Variants in MUCL3 observed in about 807,000 individuals in gnomAD.
MUCL3 encodes the protein mucin like 3.
Under a neutral mutation model 70.2 loss-of-function variants are expected in MUCL3, and 42 were observed. That is an observed-to-expected ratio of 0.60 (90% CI 0.47 to 0.77). MUCL3 has a LOEUF of 0.77. MUCL3 is among the 30% of genes least tolerant of loss of function. The probability of loss-of-function intolerance (pLI) is 0.00; values close to 1 mark genes in which losing one functional copy is unlikely to be tolerated. For missense variants in MUCL3, 1,429 were observed against 1,670.0 expected, an observed-to-expected ratio of 0.86 and a Z score of 2.52; for synonymous variants, 522 against 647.0, an observed-to-expected ratio of 0.81 and a Z score of 2.93.
rs1331390205 is a variant in MUCL3 at position 30,952,087 on chromosome 6, C to G, written c.3623C>G (p.Pro1208Arg). The change falls in exon 2 of 3, where the codon CCT (proline) becomes CGT (arginine). Residue 1208 changes from proline to arginine, a missense_variant. Physicochemically the swap from Pro to Arg is moderately radical, Grantham distance 103. Coordinates refer to ENST00000462446, the MANE Select transcript of MUCL3 (RefSeq NM_080870.4). ...KGKNTPVPEKPTENLGNTTLT... is the reference protein window; with the variant it reads ...KGKNTPVPEKRTENLGNTTLT... ...AAAAACACACCAGTCCCAGAAAAGCCTACAGAAAACCTGGGGAACACCACA... is the reference window on the plus strand; with the variant it reads ...AAAAACACACCAGTCCCAGAAAAGCGTACAGAAAACCTGGGGAACACCACA... The G allele has an allele frequency of 6.2e-7, 1 of 1,608,002 alleles. No homozygotes were observed. The highest frequency in any genetic ancestry group is 2.2e-5 in the East Asian group (1 of 44,836).
rs371020510 is a variant in MUCL3, at chr6:30,952,128, A to G, written c.3664A>G (p.Ile1222Val). Residue 1222 changes from isoleucine (I) to valine (V), a missense_variant, in exon 2 of 3, where the codon ATA becomes GTA. Physicochemically the swap from Ile to Val is conservative, Grantham distance 29. Coordinates refer to ENST00000462446, the MANE Select transcript of MUCL3 (RefSeq NM_080870.4). ...LGNTTLTTET[I>V]KAPVKSTENP... is the part of the protein sequence containing the mutation. Reference sequence around the variant, plus strand: ...GAACACCACACTGACCACTGAGACCATAAAAGCCCCAGTAAAGTCCACAGA... The same window carrying G: ...GAACACCACACTGACCACTGAGACCGTAAAAGCCCCAGTAAAGTCCACAGA... The G allele has an allele frequency of 4.3e-6, 7 of 1,612,932 alleles. No homozygotes were observed. The highest frequency in any genetic ancestry group is 5.9e-6 in the Non-Finnish European group (7 of 1,179,772).
chr6:30,944,206 C>T (rs775430985), intron 1 of MUCL3, among the ~76,000 whole-genome samples: 2 of 151,632 alleles, frequency 1.3e-5, no homozygotes, highest in Admixed American at 6.6e-5. Flanking sequence ...CTTCCCTTTC[C>T]TTTCCTTTCC....
At chr6:30,941,457 C>CTTT (rs9278811) in intron 1 of MUCL3, among the ~76,000 whole-genome samples, 140 of 105,204 alleles carry the variant, frequency 1.3e-3, no homozygotes, top group Non-Finnish European at 2.2e-3. Flanking sequence ...TCTTCTTCTT[C>CTTT]TTTTTTTTTT....
Position 30,952,086 on chromosome 6 carries a change from C to T in MUCL3, c.3622C>T (p.Pro1208Ser). The change falls in exon 2 of 3, where the codon CCT (proline) becomes TCT (serine). Residue 1208 changes from proline to serine, a missense_variant. Pro to Ser is a moderately conservative substitution (Grantham distance 74, BLOSUM62 -1). Coordinates refer to ENST00000462446, the MANE Select transcript of MUCL3 (RefSeq NM_080870.4). ...KGKNTPVPEK[P>S]TENLGNTTLT... ...GAAAAACACACCAGTCCCAGAAAAG[C>T]CTACAGAAAACCTGGGGAACACCAC... The T allele has an allele frequency of 6.2e-7, 1 of 1,607,904 alleles. No individual in the cohort carries two copies. Among genetic ancestry groups the T allele is most frequent in the Non-Finnish European group, 8.5e-7 (1 of 1,178,606 alleles).
chr6:30,947,607 A>C (rs931965518), intron 1 of MUCL3, among the ~76,000 whole-genome samples: 2 of 150,382 alleles, frequency 1.3e-5, no homozygotes, highest in African/African-American at 2.5e-5. Flanking sequence ...GTATCTGTCC[A>C]CTGATAGGGG....
intron 1 of MUCL3, among the ~76,000 whole-genome samples, chr6:30,946,555 C>T (rs562949852): frequency 6.6e-6 from 1 of 152,332 alleles, no homozygotes; most frequent in African/African-American, 2.4e-5. Context: ...AATTACTTAA[C>T]CTCTTTGCGT....
In MUCL3 at chr6:30,951,673, C is replaced by T. The variant is rs200921088; in HGVS notation, c.3209C>T (p.Thr1070Ile). Residue 1070 changes from threonine to isoleucine, a missense_variant, in exon 2 of 3, where the codon ACA becomes ATA. Coordinates refer to ENST00000462446, the MANE Select transcript of MUCL3 (RefSeq NM_080870.4). Reference sequence around the variant, plus strand: ...CCTACAGAACATGGAGAAAAGACTACATTGGCCAATGAGAAGATCACACTA... The same window carrying T: ...CCTACAGAACATGGAGAAAAGACTATATTGGCCAATGAGAAGATCACACTA... ...VKPTEHGEKT[T>I]LANEKITLSP... The T allele has an allele frequency of 1.9e-6, 3 of 1,552,256 alleles. No homozygotes were observed. Among genetic ancestry groups the T allele is most frequent in the Non-Finnish European group, 1.7e-6 (2 of 1,147,114 alleles).
intron 1 of MUCL3, among the ~76,000 whole-genome samples, chr6:30,945,227 A>T (rs970897298): frequency 6.6e-6 from 1 of 152,214 alleles, no homozygotes; most frequent in Admixed American, 6.5e-5. Flanking sequence ...AGGAGTTTTC[A>T]TCAGTCTTAT....
intron 1 of MUCL3, 89 bp downstream of exon 1, chr6:30,941,170 G>T: frequency 6.9e-7 from 1 of 1,445,966 alleles, no homozygotes. Flanking sequence ...TGAATGAAGG[G>T]GGCGGGCACG....
At position 30,951,834 on chromosome 6, in the gene MUCL3, G is replaced by A. The variant is rs1760722085; in HGVS notation, c.3370G>A (p.Glu1124Lys). The change falls in exon 2 of 3, where the codon GAG (glutamate) becomes AAG (lysine). Residue 1124 changes from glutamate (E) to lysine (K), a missense_variant. Transcript: ENST00000462446. ...PNDKITSSAA[E>K]STEHRDRATS... ...TGACAAGATCACCTCATCTGCAGCA[G>A]AGTCTACAGAACATAGAGATAGGGC... 6.3e-7 allele frequency: 1 copy of A among 1,588,342 alleles called. No individual in the cohort carries two copies. The highest frequency in any genetic ancestry group is 1.8e-5 in the Admixed American group (1 of 54,474).
At position 30,952,978 on chromosome 6, in the gene MUCL3, A is replaced by C. The variant is rs77087190; in HGVS notation, c.4043A>C (p.Tyr1348Ser). 2.2e-3 allele frequency: 3,540 copies of C among 1,614,212 alleles called. 5 individuals carry two copies. Among genetic ancestry groups the C allele is most frequent in the Non-Finnish European group, 2.8e-3 (3,335 of 1,180,022 alleles). Reference sequence around the variant, plus strand: ...TTCTCATCCCAATCACAGGTCTCCTATATGATGCGGACACGCCGCACACTA... The same window carrying C: ...TTCTCATCCCAATCACAGGTCTCCTCTATGATGCGGACACGCCGCACACTA... ...VFLGLIFLVS[Y>S]MMRTRRTLTQ... The change falls in exon 3 of 3, where the codon TAT becomes TCT. Residue 1348 changes from tyrosine to serine, a missense_variant. Physicochemically the swap from Tyr to Ser is moderately radical, Grantham distance 144. Transcript: ENST00000462446.
chr6:30,941,457 CTTTT>C (rs9278811), intron 1 of MUCL3, among the ~76,000 whole-genome samples: 4 of 105,244 alleles, frequency 3.8e-5, no homozygotes, highest in Admixed American at 9.3e-5. Flanking sequence ...TCTTCTTCTT[CTTTT>C]TTTTTTTTTT....
At chr6:30,946,701 A>G (rs928187505) in intron 1 of MUCL3, among the ~76,000 whole-genome samples, 3 of 152,210 alleles carry the variant, frequency 2.0e-5, no homozygotes. Flanking sequence ...CTTCTTTAAA[A>G]GACTGGGCTG....
rs140790360 is a variant in MUCL3 at position 30,947,595 on chromosome 6, G to C, written c.83-952G>C. Among the ~76,000 whole-genome samples the C allele has an allele frequency of 2.0e-5, 3 of 151,234 alleles. No individual in the cohort carries two copies. In the East Asian group the frequency reaches 5.8e-4, roughly 29 times the overall value. On this transcript the variant is annotated intron_variant, in intron 1 of 2. Transcript: ENST00000462446. Reference sequence around the variant, plus strand: ...GGTTGTTTTTCCATGGAATTAAGGCGTGTATCTGTCCACTGATAGGGGTGT... The same window carrying C: ...GGTTGTTTTTCCATGGAATTAAGGCCTGTATCTGTCCACTGATAGGGGTGT...
chr6:30,948,751 CT>C lies in MUCL3; in HGVS notation c.288del (p.Asp97ThrfsTer10), dbSNP rs1298510169. 1.7e-5 allele frequency: 27 copies of C among 1,551,480 alleles called. No individual in the cohort carries two copies. Among genetic ancestry groups the C allele is most frequent in the Non-Finnish European group, 2.4e-5 (27 of 1,146,988 alleles). ...HCNTTRHSKP[T>X]DKPTGNSKTI... ...AACACCACACGCCATTCTAAGCCAA[CT>C]GACAAGCCTACAGGCAACTCCAAAA... On this transcript the variant is annotated frameshift_variant, in exon 2 of 3. Transcript: ENST00000462446. LOFTEE classifies it high-confidence loss of function.
At chr6:30,946,792 G>A (rs901065605) in intron 1 of MUCL3, among the ~76,000 whole-genome samples, 19 of 152,176 alleles carry the variant, frequency 1.2e-4, no homozygotes, top group Admixed American at 4.6e-4. Flanking sequence ...ATTCTGTCTC[G>A]ACCTCTTACT....
intron 1 of MUCL3, among the ~76,000 whole-genome samples, chr6:30,941,915 G>A (rs988488111): frequency 2.0e-5 from 3 of 152,146 alleles, no homozygotes; most frequent in African/African-American, 7.2e-5. Flanking sequence ...GCCCTGGGGG[G>A]ACAGGTGGAG....
chr6:30,951,370 T>G lies in MUCL3; in HGVS notation c.2906T>G (p.Val969Gly). ...AKPTEHGETT[V>G]NEDTTPSSAE... ...CCTACAGAACATGGAGAAACGACAG[T>G]CAATGAGGACACCACACCATCCTCA... The change falls in exon 2 of 3, where the codon GTC becomes GGC. Residue 969 changes from valine (V) to glycine (G), a missense_variant. Val to Gly is a moderately radical substitution (Grantham distance 109). Transcript: ENST00000462446. The G allele has an allele frequency of 6.8e-7, 1 of 1,480,614 alleles. No homozygotes were observed. The highest frequency in any genetic ancestry group is 9.0e-7 in the Non-Finnish European group (1 of 1,116,034). 91.7% of individuals were successfully genotyped at this position (1,480,614 alleles called of 1,614,324 possible). A position where few individuals can be genotyped will look rare whatever the true frequency, so the allele number is the denominator to read the frequency against.
In MUCL3 at chr6:30,941,174, G is replaced by T. The variant is rs888808635; in HGVS notation, c.82+93G>T. The T allele has an allele frequency of 2.8e-6, 4 of 1,428,382 alleles. No homozygotes were observed. The East Asian group carries it at 1.0e-4, about 36-fold the overall frequency. The allele number at this position is 1,428,382 out of a possible 1,614,324, so 88.5% of individuals were successfully genotyped here. A position where few individuals can be genotyped will look rare whatever the true frequency, so the allele number is the denominator to read the frequency against. ...ACAAATAGAAATGAATGAAGGGGGC[G>T]GGCACGGGGCTGCTACAGACAGTTG... On this transcript the variant is annotated intron_variant, in intron 1 of 2. Coordinates refer to ENST00000462446, the MANE Select transcript of MUCL3 (RefSeq NM_080870.4).
Sources: allele counts gnomAD v4.1 joint callset (sites outside exome capture counted in the v4.1 genomes callset), GRCh38; gene constraint gnomAD v4.1.1; transcripts MANE v1.5; gene names NCBI Gene and HGNC (gene_info 2026-07-23, HGNC 2026-07-21).